ARRB1: variants seen among roughly 807,000 people sequenced by gnomAD.
ARRB1 encodes the protein beta-arrestin-1.
A neutral mutation model predicts 56.8 loss-of-function variants in ARRB1; 21 were observed. That is an observed-to-expected ratio of 0.37 (90% CI 0.26 to 0.53). ARRB1 has a LOEUF of 0.53. Ranked by LOEUF, ARRB1 falls within the 20% of genes least tolerant of loss-of-function variation. The probability of loss-of-function intolerance (pLI) is 0.88; values close to 1 mark genes in which losing one functional copy is unlikely to be tolerated. For synonymous variants in ARRB1, 210 were observed against 218.6 expected (o/e 0.96, Z 0.35); for missense variants, 424 against 553.7 (o/e 0.77, Z 2.35).
chr11:75,300,559 C>A (rs1368331875), intron 1 of ARRB1, among the ~76,000 whole-genome samples: 4 of 152,208 alleles, frequency 2.6e-5, no homozygotes, highest in African/African-American at 7.2e-5. Flanking sequence ...GGGCTGGCCG[C>A]TGTGGTTCAC....
chr11:75,326,779 A>G (rs1411479345), intron 1 of ARRB1, among the ~76,000 whole-genome samples: 1 of 143,046 alleles, frequency 7.0e-6, no homozygotes, highest in Non-Finnish European at 1.5e-5. Context: ...GCTAGAGTGC[A>G]GGGCTGCAAT....
At chr11:75,271,182 T>C (rs1946067978) in intron 13 of ARRB1, 1 of 152,434 alleles carries the variant, frequency 6.6e-6, no homozygotes, top group Admixed American at 6.5e-5. Flanking sequence ...TAGTTTAAGA[T>C]TTCTTAGGAT....
At chr11:75,272,861 A>C in intron 12 of ARRB1, 34 bp downstream of exon 12, 1 of 1,611,672 alleles carries the variant, frequency 6.2e-7, no homozygotes, top group Non-Finnish European at 8.5e-7. Flanking sequence ...TCCCCTCTGC[A>C]CTCCGGGGTC....
At chr11:75,322,907 G>A (rs1947369518) in intron 1 of ARRB1, among the ~76,000 whole-genome samples, 1 of 152,182 alleles carries the variant, frequency 6.6e-6, no homozygotes, top group Non-Finnish European at 1.5e-5. Context: ...GATTACAACA[G>A]TGTCTACTTC....
Position 75,283,744 on chromosome 11 carries a change from T to C in ARRB1, c.158-261A>G, listed in dbSNP as rs568052830. 3.3e-5 allele frequency among the ~76,000 whole-genome samples: 5 copies of C among 151,640 alleles called. No individual in the cohort carries two copies. The East Asian group carries it at 7.8e-4, about 24-fold the overall frequency. On this transcript the variant is annotated intron_variant, in intron 4 of 15. Transcript: ENST00000420843. ...CCCTCCCACCTCTCCCCAGGGCATA[T>C]GTGGAGGGGTATGGAAACGGTCTGA...
intron 1 of ARRB1, among the ~76,000 whole-genome samples, chr11:75,311,449 T>C (rs1303568008): frequency 6.6e-6 from 1 of 152,202 alleles, no homozygotes; most frequent in Admixed American, 6.5e-5. Flanking sequence ...AGAGAGCAGG[T>C]GACATCTGAG....
At chr11:75,331,592 C>A (rs910374201) in intron 1 of ARRB1, among the ~76,000 whole-genome samples, 23 of 151,338 alleles carry the variant, frequency 1.5e-4, no homozygotes, top group African/African-American at 5.3e-4. Flanking sequence ...CACCTTGTGA[C>A]CCCCACCCCT....
At chr11:75,269,642 G>C (rs1946029290) in intron 13 of ARRB1, among the ~76,000 whole-genome samples, 1 of 152,186 alleles carries the variant, frequency 6.6e-6, no homozygotes, top group South Asian at 2.1e-4. Flanking sequence ...GTATTCACAT[G>C]GTACTGACCC....
chr11:75,328,490 G>A (rs1947474055), intron 1 of ARRB1, among the ~76,000 whole-genome samples: 1 of 152,206 alleles, frequency 6.6e-6, no homozygotes, highest in South Asian at 2.1e-4. Context: ...GTTCATTTGT[G>A]ATACAGATGG....
intron 10 of ARRB1, among the ~76,000 whole-genome samples, chr11:75,276,000 T>A (rs1365732230): frequency 3.3e-5 from 5 of 152,150 alleles, no homozygotes; most frequent in Non-Finnish European, 7.3e-5. Context: ...CAACAGTGGA[T>A]ATGAAAAATA....
intron 1 of ARRB1, among the ~76,000 whole-genome samples, chr11:75,329,126 C>T (rs796277621): frequency 9.8e-5 from 13 of 132,252 alleles, no homozygotes; most frequent in African/African-American, 2.8e-4. Context: ...CAAGTTCTTG[C>T]TCTGTCACCC....
At position 75,265,416 on chromosome 11, in the gene ARRB1, C is replaced by G. The variant is rs1945887015; in HGVS notation, c.*747G>C. ...CTCTGTGCATATCTCTAGACAGGGC[C>G]ATGCACTTGAAATACAAGGTAGCTA... is the stretch of plus-strand genomic sequence containing the variant. On this transcript the variant is annotated 3_prime_UTR_variant, in exon 16 of 16. Coordinates refer to ENST00000420843, the MANE Select transcript of ARRB1 (RefSeq NM_004041.5). The G allele has an allele frequency of 6.6e-6, 1 of 152,350 alleles. No homozygotes were observed. Among genetic ancestry groups the G allele is most frequent in the South Asian group, 2.1e-4 (1 of 4,834 alleles). 9.4% of individuals were successfully genotyped at this position (152,350 alleles called of 1,614,324 possible).
At chr11:75,327,116 C>T (rs57868590) in intron 1 of ARRB1, among the ~76,000 whole-genome samples, 1 of 151,738 alleles carries the variant, frequency 6.6e-6, no homozygotes, top group African/African-American at 2.4e-5. Context: ...AGATCAAGAC[C>T]ACGGTGAAAC....
chr11:75,298,486 T>C (rs1360446004), intron 1 of ARRB1, among the ~76,000 whole-genome samples: 1 of 152,118 alleles, frequency 6.6e-6, no homozygotes, highest in East Asian at 1.9e-4. Context: ...AAAACTACAA[T>C]GATACACTTC....
chr11:75,267,196 G>C (rs1945941159), intron 15 of ARRB1, among the ~76,000 whole-genome samples: 1 of 152,230 alleles, frequency 6.6e-6, no homozygotes, highest in African/African-American at 2.4e-5. Context: ...TCTGGCCACT[G>C]TCCGGTGACT....
chr11:75,270,762 C>A (rs1565104265), intron 13 of ARRB1, among the ~76,000 whole-genome samples: 1 of 152,138 alleles, frequency 6.6e-6, no homozygotes. Context: ...TGCCACTGCA[C>A]TCCAGTCTGG....
At chr11:75,276,547 G>C (rs546442829) in intron 10 of ARRB1, among the ~76,000 whole-genome samples, 4 of 152,162 alleles carry the variant, frequency 2.6e-5, no homozygotes, top group Non-Finnish European at 5.9e-5. Flanking sequence ...CTTGTACAAC[G>C]TAATTATTTC....
intron 1 of ARRB1, among the ~76,000 whole-genome samples, chr11:75,326,705 G>GC (rs1477898107): frequency 8.3e-5 from 12 of 145,004 alleles, no homozygotes; most frequent in Non-Finnish European, 1.0e-4. Flanking sequence ...ACTACACACT[G>GC]CCTTTTTAAA....
intron 1 of ARRB1, among the ~76,000 whole-genome samples, chr11:75,309,900 C>T (rs1947119761): frequency 6.6e-6 from 1 of 152,190 alleles, no homozygotes; most frequent in African/African-American, 2.4e-5. Context: ...ATTCCCCAGA[C>T]ATACACTGGG....
Sources: allele counts gnomAD v4.1 joint callset (sites outside exome capture counted in the v4.1 genomes callset), GRCh38; gene constraint gnomAD v4.1.1; transcripts MANE v1.5; gene names NCBI Gene and HGNC (gene_info 2026-07-23, HGNC 2026-07-21).